Variants in DNM3 observed in about 807,000 individuals in gnomAD.
DNM3 encodes dynamin 3, also known as dynamin-3.
A neutral mutation model predicts 101.6 loss-of-function variants in DNM3; 47 were observed. The observed-to-expected ratio is 0.46, with a 90% CI of 0.37 to 0.59. DNM3 has a LOEUF of 0.59. Among genes scored for constraint, DNM3 ranks in the 20% least tolerant of loss-of-function variants. The probability of loss-of-function intolerance (pLI) is 0.00; values close to 1 mark genes in which losing one functional copy is unlikely to be tolerated. For missense variants in DNM3, 849 were observed against 1,085.7 expected (o/e 0.78, Z 3.06); for synonymous variants, 385 against 387.9 (o/e 0.99, Z 0.09).
chr1:171,957,491 C>G (rs924757949), intron 2 of DNM3, among the ~76,000 whole-genome samples: 1 of 152,180 alleles, frequency 6.6e-6, no homozygotes, highest in Non-Finnish European at 1.5e-5. Context: ...AGCCACTATG[C>G]CCGGCCCAGT....
intron 14 of DNM3, among the ~76,000 whole-genome samples, chr1:172,194,054 T>C (rs986123543): frequency 3.9e-5 from 6 of 152,178 alleles, no homozygotes; most frequent in African/African-American, 1.4e-4. Flanking sequence ...GATTCTGGTA[T>C]GTTGTGTCTT....
downstream of DNM3, among the ~76,000 whole-genome samples, chr1:172,415,828 C>T (rs77485307): frequency 0.055 from 8,355 of 152,078 alleles, 272 homozygotes; most frequent in Middle Eastern, 0.12. Context: ...CTGCACCTGG[C>T]CTTTTTTGTG....
intron 14 of DNM3, among the ~76,000 whole-genome samples, chr1:172,179,318 ATTT>A (rs2059264209): frequency 6.6e-6 from 1 of 151,988 alleles, no homozygotes; most frequent in African/African-American, 2.4e-5. Context: ...TCCCACTAGT[ATTT>A]AACTGGTATT....
intron 2 of DNM3, among the ~76,000 whole-genome samples, chr1:171,982,204 A>G (rs1385938509): frequency 1.3e-5 from 2 of 152,204 alleles, no homozygotes; most frequent in Non-Finnish European, 2.9e-5. Context: ...ATGGTATACT[A>G]TGGTTTACCA....
At chr1:171,981,468 T>C (rs750795020) in intron 2 of DNM3, among the ~76,000 whole-genome samples, 1 of 152,258 alleles carries the variant, frequency 6.6e-6, no homozygotes, top group Admixed American at 6.5e-5. Flanking sequence ...AATATTTAAA[T>C]TCTTACAGTC....
At chr1:171,889,506 T>C (rs1345182109) in intron 1 of DNM3, among the ~76,000 whole-genome samples, 1 of 152,162 alleles carries the variant, frequency 6.6e-6, no homozygotes, top group Non-Finnish European at 1.5e-5. Context: ...AGAATTGGCT[T>C]TAATTAAACT....
chr1:171,977,846 G>A (rs537968248), intron 2 of DNM3, among the ~76,000 whole-genome samples: 33 of 152,168 alleles, frequency 2.2e-4, no homozygotes, highest in Non-Finnish European at 4.0e-4. Flanking sequence ...TCTTCCACAC[G>A]GTGGCTTCAA....
intron 4 of DNM3, among the ~76,000 whole-genome samples, chr1:171,992,007 A>C (rs2045665020): frequency 6.6e-6 from 1 of 152,216 alleles, no homozygotes; most frequent in African/African-American, 2.4e-5. Context: ...AAGGGTGACA[A>C]GATGGCTATA....
rs188750891 is a variant in DNM3 at position 172,260,053 on chromosome 1, G to A, written c.1769+6371G>A. Among the ~76,000 whole-genome samples the A allele has an allele frequency of 4.6e-5, 7 of 152,208 alleles. No individual in the cohort carries two copies. In the East Asian group the frequency reaches 1.4e-3, roughly 29 times the overall value. On this transcript the variant is annotated intron_variant, in intron 15 of 20. Coordinates refer to ENST00000627582, the MANE Select transcript of DNM3 (RefSeq NM_015569.5). ...TCTTAGCTTTTGCTCATCTGTGAAAGACATTATATCTCTTTCATTTAGGAA... is the reference window on the plus strand; with the variant it reads ...TCTTAGCTTTTGCTCATCTGTGAAAAACATTATATCTCTTTCATTTAGGAA...
chr1:172,040,891 C>T (rs1236384495), intron 7 of DNM3, among the ~76,000 whole-genome samples: 2 of 152,022 alleles, frequency 1.3e-5, no homozygotes, highest in Admixed American at 1.3e-4. Flanking sequence ...TGGGGAACTG[C>T]AATGGCTTCC....
rs570832769 is a variant in DNM3, at chr1:172,306,417, T to G, written c.1770-2311T>G. ...TGGAAGAACATTCCATGTTCATGGA[T>G]AGGAAGAATCAATATTTTGAAAATG... On this transcript the variant is annotated intron_variant, in intron 15 of 20. Coordinates refer to ENST00000627582, the MANE Select transcript of DNM3 (RefSeq NM_015569.5). Among the ~76,000 whole-genome samples, 5 of 152,218 alleles carry G rather than the reference T, an allele frequency of 3.3e-5. No individual in the cohort carries two copies. The South Asian group carries it at 1.0e-3, about 32-fold the overall frequency.
At chr1:172,397,925 A>G (rs1194689789) in intron 20 of DNM3, among the ~76,000 whole-genome samples, 1 of 152,190 alleles carries the variant, frequency 6.6e-6, no homozygotes, top group Non-Finnish European at 1.5e-5. Flanking sequence ...CTGCAGAAAA[A>G]TAAGTTTCAG....
intron 15 of DNM3, among the ~76,000 whole-genome samples, chr1:172,271,502 T>C (rs1433484048): frequency 4.6e-5 from 7 of 152,116 alleles, no homozygotes; most frequent in Non-Finnish European, 1.5e-5. Context: ...CATATCTGCT[T>C]CTGCTTTCAA....
chr1:171,937,986 A>T (rs1194963951), intron 2 of DNM3, among the ~76,000 whole-genome samples: 1 of 150,002 alleles, frequency 6.7e-6, no homozygotes, highest in African/African-American at 2.4e-5. Context: ...TTCTCTCACT[A>T]TTGTTTTCTT....
chr1:172,230,012 T>C (rs1290955995), intron 14 of DNM3, among the ~76,000 whole-genome samples: 3 of 152,192 alleles, frequency 2.0e-5, no homozygotes, highest in African/African-American at 7.2e-5. Context: ...TCTCTAGTGT[T>C]ACTGAAGGGT....
At chr1:172,061,672 G>C (rs572805830) in intron 10 of DNM3, among the ~76,000 whole-genome samples, 1 of 140,868 alleles carries the variant, frequency 7.1e-6, no homozygotes, top group Admixed American at 7.5e-5. Context: ...CACAGGAAGG[G>C]GAACATCACA....
chr1:171,891,921 G>A (rs936372473), intron 1 of DNM3, among the ~76,000 whole-genome samples: 4 of 152,102 alleles, frequency 2.6e-5, no homozygotes, highest in African/African-American at 9.7e-5. Flanking sequence ...GGGGAGTTAT[G>A]CTCCATCTCC....
rs925669727 is a variant in DNM3 at position 172,338,508 on chromosome 1, C to T, written c.1893+15168C>T. Among the ~76,000 whole-genome samples, 8 of 152,126 alleles carry T rather than the reference C, an allele frequency of 5.3e-5. 1 individual carries two copies. Among genetic ancestry groups the T allele is most frequent in the Admixed American group, 2.6e-4 (4 of 15,268 alleles). The stretch of plus-strand genomic sequence containing the variant: ...CTGTGAGCAATAGCAAATCATTTTT[C>T]CAGTAGCTTAGGAGCCTGTGAATGG... On this transcript the variant is annotated intron_variant, in intron 17 of 20. Coordinates refer to ENST00000627582, the MANE Select transcript of DNM3 (RefSeq NM_015569.5).
chr1:172,109,727 G>T (rs1482276252), intron 13 of DNM3, among the ~76,000 whole-genome samples: 1 of 152,208 alleles, frequency 6.6e-6, no homozygotes, highest in Non-Finnish European at 1.5e-5. Flanking sequence ...TTTCCCATCA[G>T]AAATCAGAAT....
Sources: allele counts gnomAD v4.1 joint callset (sites outside exome capture counted in the v4.1 genomes callset), GRCh38; gene constraint gnomAD v4.1.1; transcripts MANE v1.5; gene names NCBI Gene and HGNC (gene_info 2026-07-23, HGNC 2026-07-21).